The following FBXL7 variants were observed in gnomAD, a reference collection of about 807,000 sequenced individuals.
FBXL7 encodes F-box and leucine rich repeat protein 7, also known as F-box/LRR-repeat protein 7.
A neutral mutation model predicts 38.3 loss-of-function variants in FBXL7; 12 were observed. That is an observed-to-expected ratio of 0.31 (90% CI 0.20 to 0.51). FBXL7 has a LOEUF of 0.51. Ranked by LOEUF, FBXL7 falls within the 20% of genes least tolerant of loss-of-function variation. The pLI, the probability that FBXL7 is intolerant of heterozygous loss-of-function variation, is 0.98. For synonymous variants in FBXL7, 297 were observed against 300.9 expected (o/e 0.99, Z 0.13); for missense variants, 567 against 676.4 (o/e 0.84, Z 1.79).
intron 2 of FBXL7, among the ~76,000 whole-genome samples, chr5:15,624,151 G>A (rs1251607055): frequency 6.6e-6 from 1 of 152,138 alleles, no homozygotes; most frequent in Non-Finnish European, 1.5e-5. Flanking sequence ...TCCATATAGG[G>A]TCTAGAAATT....
chr5:15,608,999 G>GA lies in FBXL7; in HGVS notation c.38-6983dup, dbSNP rs149294715. 1.7e-3 allele frequency among the ~76,000 whole-genome samples: 261 copies of GA among 152,284 alleles called. 2 individuals are homozygous for GA. The highest frequency in any genetic ancestry group is 5.7e-3 in the African/African-American group (238 of 41,552). On this transcript the variant is annotated intron_variant, in intron 1 of 3. Transcript: ENST00000504595. ...CTTAGAGTTTGACAGACTTGCACGT[G>GA]AGCATATGTGTGGCGTGGAAATGGT...
rs117987199 is a variant in FBXL7, at chr5:15,611,935, G to A, written c.38-4048G>A. Among the ~76,000 whole-genome samples the A allele has an allele frequency of 8.0e-4, 122 of 151,872 alleles. 2 individuals are homozygous for A. In the East Asian group the frequency reaches 0.021, roughly 26 times the overall value. ...GGTTTAGTCTGCAGTGAGCTGTGATGGTGCCACTACACTCCAGCTTGGGTA... is the reference window on the plus strand; with the variant it reads ...GGTTTAGTCTGCAGTGAGCTGTGATAGTGCCACTACACTCCAGCTTGGGTA... On this transcript the variant is annotated intron_variant, in intron 1 of 3. Transcript: ENST00000504595.
At chr5:15,516,698 G>A (rs577175111) in intron 1 of FBXL7, among the ~76,000 whole-genome samples, 2 of 152,198 alleles carry the variant, frequency 1.3e-5, no homozygotes, top group African/African-American at 4.8e-5. Flanking sequence ...CTTCGTGGGA[G>A]GTAATTGAAT....
At chr5:15,679,221 C>A (rs139662725) in intron 2 of FBXL7, among the ~76,000 whole-genome samples, 1 of 152,144 alleles carries the variant, frequency 6.6e-6, no homozygotes, top group East Asian at 1.9e-4. Context: ...TATTTTTGAC[C>A]AGCTTACTTG....
At chr5:15,713,558 T>TA (rs1743947423) in intron 2 of FBXL7, among the ~76,000 whole-genome samples, 1 of 152,222 alleles carries the variant, frequency 6.6e-6, no homozygotes, top group Non-Finnish European at 1.5e-5. Context: ...GCATTCATGA[T>TA]ACCCTGTCTT....
chr5:15,727,880 G>A (rs1735451377), intron 2 of FBXL7, among the ~76,000 whole-genome samples: 1 of 152,054 alleles, frequency 6.6e-6, no homozygotes, highest in African/African-American at 2.4e-5. Flanking sequence ...GTTGACTCAT[G>A]AGTCCTTTGG....
intron 2 of FBXL7, among the ~76,000 whole-genome samples, chr5:15,707,174 GTTTTTTTTTTTTTT>G (rs71603796): frequency 2.8e-4 from 20 of 70,400 alleles, no homozygotes; most frequent in African/African-American, 1.2e-3. Context: ...TTTTCTTTTC[GTTTTTTTTTTTTTT>G]TTTTTTTTTG....
At chr5:15,704,102 G>A (rs528578290) in intron 2 of FBXL7, among the ~76,000 whole-genome samples, 10 of 152,156 alleles carry the variant, frequency 6.6e-5, no homozygotes, top group Non-Finnish European at 8.8e-5. Flanking sequence ...TGAGTAGCAA[G>A]ATGTGAAGGG....
chr5:15,633,296 T>G (rs1361044412), intron 2 of FBXL7, among the ~76,000 whole-genome samples: 2 of 152,200 alleles, frequency 1.3e-5, no homozygotes, highest in African/African-American at 4.8e-5. Flanking sequence ...TGGCCATTTG[T>G]TCTTAGAATT....
chr5:15,775,500 A>G (rs1223055967), intron 2 of FBXL7, among the ~76,000 whole-genome samples: 1 of 151,886 alleles, frequency 6.6e-6, no homozygotes. Flanking sequence ...CACAGACCAT[A>G]CTTTTGATAC....
chr5:15,640,472 C>T (rs1370691366), intron 2 of FBXL7, among the ~76,000 whole-genome samples: 1 of 152,076 alleles, frequency 6.6e-6, no homozygotes, highest in Non-Finnish European at 1.5e-5. Flanking sequence ...TCTGCAATGA[C>T]CCTGTCTCCA....
chr5:15,686,860 C>T (rs1421280955), intron 2 of FBXL7, among the ~76,000 whole-genome samples: 2 of 152,188 alleles, frequency 1.3e-5, no homozygotes, highest in African/African-American at 4.8e-5. Context: ...AGTATGCTGA[C>T]CACCCACAGG....
intron 2 of FBXL7, among the ~76,000 whole-genome samples, chr5:15,653,431 A>C (rs1033567544): frequency 6.6e-6 from 1 of 152,210 alleles, no homozygotes; most frequent in Non-Finnish European, 1.5e-5. Context: ...AAGACTTCAC[A>C]GTATATCTGA....
chr5:15,664,553 C>T (rs1171436620), intron 2 of FBXL7, among the ~76,000 whole-genome samples: 1 of 146,482 alleles, frequency 6.8e-6, no homozygotes, highest in African/African-American at 2.6e-5. Context: ...CTTACTGCAA[C>T]CTCCGCCTCC....
In FBXL7 at chr5:15,640,838, A is replaced by T. The variant is rs189011238; in HGVS notation, c.127+24766A>T. On this transcript the variant is annotated intron_variant, in intron 2 of 3. Coordinates refer to ENST00000504595, the MANE Select transcript of FBXL7 (RefSeq NM_012304.5). ...CGTGCCTGGCCGGGGTGAGGGCTTT[A>T]ACATATCTTTATAGGGGACACAATT... Among the ~76,000 whole-genome samples, 115 of 152,222 alleles carry T rather than the reference A, an allele frequency of 7.6e-4. 3 individuals are homozygous for T. The East Asian group carries it at 0.02, about 27-fold the overall frequency.
chr5:15,834,349 T>C (rs1191322106), intron 2 of FBXL7, among the ~76,000 whole-genome samples: 1 of 152,224 alleles, frequency 6.6e-6, no homozygotes, highest in East Asian at 1.9e-4. Flanking sequence ...CCAGAAATCT[T>C]ATTCCAAATT....
In FBXL7 at chr5:15,936,924, A is replaced by C; in HGVS notation, c.1214A>C (p.Lys405Thr). ...CTCGCCAAGAACTGCACCAAACTCA[A>C]ATCCCTGGATATCGGCAAATGCCCT... is the stretch of plus-strand genomic sequence containing the variant. Reference protein sequence around the residue: ...EYLAKNCTKLKSLDIGKCPLV... With the variant: ...EYLAKNCTKLTSLDIGKCPLV... Residue 405 changes from lysine to threonine, a missense_variant, in exon 4 of 4, where the codon AAA becomes ACA. By Grantham distance (78) the Lys-to-Thr change is moderately conservative (BLOSUM62 -1). Coordinates refer to ENST00000504595, the MANE Select transcript of FBXL7 (RefSeq NM_012304.5). The surrounding 1 kb of genome is among the most constrained non-coding windows in gnomAD (Gnocchi z 6.0). The C allele has an allele frequency of 1.2e-6, 2 of 1,614,006 alleles. No individual in the cohort carries two copies. The highest frequency in any genetic ancestry group is 1.7e-5 in the Admixed American group (1 of 60,028).
At chr5:15,504,383 T>C (rs907491134) in intron 1 of FBXL7, among the ~76,000 whole-genome samples, 10 of 152,238 alleles carry the variant, frequency 6.6e-5, no homozygotes, top group Non-Finnish European at 1.0e-4. Context: ...CCTCCCACTT[T>C]TGTCATCCTT....
At chr5:15,805,899 A>G (rs1737699121) in intron 2 of FBXL7, among the ~76,000 whole-genome samples, 1 of 152,228 alleles carries the variant, frequency 6.6e-6, no homozygotes, top group African/African-American at 2.4e-5. Context: ...GAAGTAGCTG[A>G]GAGGCTTATC....
Sources: gnomAD v4.1 joint callset for allele counts (sites outside exome capture counted in the v4.1 genomes callset) on GRCh38, gnomAD v4.1.1 for gene constraint, Gnocchi (gnomAD v3.1) non-coding constraint, MANE v1.5 for transcripts, NCBI Gene and HGNC (gene_info 2026-07-23, HGNC 2026-07-21) for gene names.